The following C16orf46 variants were observed in gnomAD, a reference collection of about 807,000 sequenced individuals.
C16orf46 encodes the protein uncharacterized protein C16orf46.
In C16orf46, 7 loss-of-function variants were observed where a neutral mutation model predicts 5.5. That is an observed-to-expected ratio of 1.28 (90% CI 0.73 to 2.40). The LOEUF is 2.40. Among genes scored for constraint, C16orf46 ranks in the 30% most tolerant of loss-of-function variants. C16orf46 has a pLI of 0.00. For synonymous variants in C16orf46, 200 were observed against 184.1 expected, an observed-to-expected ratio of 1.09 and a Z score of -0.70; for missense variants, 614 against 476.0, an observed-to-expected ratio of 1.29 and a Z score of -2.70.
chr16:81,054,027 A>T, exon 4 of C16orf46: 1 of 1,584,240 alleles, frequency 6.3e-7, no homozygotes, highest in South Asian at 1.1e-5. Context: ...ATTACATCTC[A>T]ACCGTGTTGC....
downstream of C16orf46, among the ~76,000 whole-genome samples, chr16:81,058,641 T>C (rs939634743): frequency 4.6e-5 from 7 of 152,228 alleles, no homozygotes; most frequent in Admixed American, 2.6e-4. Flanking sequence ...TTCCATACAA[T>C]TTTAAACAGT....
intron 1 of C16orf46, among the ~76,000 whole-genome samples, chr16:81,068,168 A>G (rs1051129435): frequency 6.6e-6 from 1 of 152,236 alleles, no homozygotes; most frequent in African/African-American, 2.4e-5. Context: ...CCTTTGTTAT[A>G]CGTCCGGCAA....
At chr16:81,057,260 G>A (rs117105192), downstream of C16orf46, among the ~76,000 whole-genome samples, 1,184 of 152,106 alleles carry the variant, frequency 7.8e-3, 25 homozygotes, top group Non-Finnish European at 6.1e-3. Flanking sequence ...TGTTTAGAAC[G>A]TATTGGGGCA....
intron 1 of C16orf46, among the ~76,000 whole-genome samples, chr16:81,069,051 T>C (rs1242934802): frequency 6.6e-6 from 1 of 152,164 alleles, no homozygotes; most frequent in Non-Finnish European, 1.5e-5. Context: ...TACTTTATTT[T>C]AATGAAAATG....
At chr16:81,076,283 C>T (rs143014573) in intron 1 of C16orf46, 1 of 152,066 alleles carries the variant, frequency 6.6e-6, no homozygotes, top group African/African-American at 2.4e-5. Flanking sequence ...CATTTAGAAA[C>T]ACACTGGAAG....
intron 3 of C16orf46, among the ~76,000 whole-genome samples, chr16:81,054,713 A>G (rs1478749537): frequency 6.6e-6 from 1 of 151,974 alleles, no homozygotes; most frequent in Admixed American, 6.6e-5. Context: ...CAGTGGCGTG[A>G]TCTCGGCTCA....
chr16:81,053,541 AAAT>A (rs1339338680), exon 4 of C16orf46: 1 of 152,282 alleles, frequency 6.6e-6, no homozygotes, highest in Non-Finnish European at 1.5e-5. Flanking sequence ...ATTAATAACA[AAAT>A]AAAAACTTTG....
intron 2 of C16orf46, among the ~76,000 whole-genome samples, chr16:81,064,317 T>C (rs929219672): frequency 3.3e-5 from 5 of 150,658 alleles, no homozygotes; most frequent in African/African-American, 9.8e-5. Flanking sequence ...TGAGCTGAGA[T>C]TGGCCACTGC....
At chr16:81,057,444 G>A (rs964005688), downstream of C16orf46, among the ~76,000 whole-genome samples, 2 of 151,310 alleles carry the variant, frequency 1.3e-5, no homozygotes, top group African/African-American at 2.4e-5. Context: ...ACCTACTCGT[G>A]AGTCTGAGGC....
In C16orf46 at chr16:81,061,532, G is replaced by C; in HGVS notation, c.817C>G (p.Pro273Ala). Reference sequence around the variant, plus strand: ...GAGGATGGCGTGTCGTTGACCATAGGGTGTTTGGCCAGCTCACTGGCTCTT... The same window carrying C: ...GAGGATGGCGTGTCGTTGACCATAGCGTGTTTGGCCAGCTCACTGGCTCTT... ...EKRASELAKH[P>A]MVNDTPSSPS... Residue 273 changes from proline (P) to alanine (A), a missense_variant, in exon 4 of 4, where the codon CCT becomes GCT. Coordinates refer to ENST00000299578, the MANE Select transcript of C16orf46 (RefSeq NM_152337.3). The C allele has an allele frequency of 6.2e-7, 1 of 1,614,160 alleles. No homozygotes were observed. Among genetic ancestry groups the C allele is most frequent in the Non-Finnish European group, 8.5e-7 (1 of 1,180,026 alleles).
chr16:81,058,295 G>C (rs1435933502), downstream of C16orf46, among the ~76,000 whole-genome samples: 1 of 152,212 alleles, frequency 6.6e-6, no homozygotes, highest in African/African-American at 2.4e-5. Context: ...ACTTATTGCA[G>C]TGAACACTGG....
Position 81,061,528 on chromosome 16 carries a change from A to G in C16orf46, c.821T>C (p.Met274Thr). ...KRASELAKHPMVNDTPSSPSP... is the reference protein window; with the variant it reads ...KRASELAKHPTVNDTPSSPSP... ...AGGGGAGGATGGCGTGTCGTTGACC[A>G]TAGGGTGTTTGGCCAGCTCACTGGC... is the stretch of plus-strand genomic sequence containing the variant. Residue 274 changes from methionine to threonine, a missense_variant, in exon 4 of 4, where the codon ATG becomes ACG. Met to Thr is a moderately conservative substitution (Grantham distance 81, BLOSUM62 -1). Transcript: ENST00000299578. The G allele has an allele frequency of 6.2e-7, 1 of 1,614,168 alleles. No homozygotes were observed. The highest frequency in any genetic ancestry group is 8.5e-7 in the Non-Finnish European group (1 of 1,180,022).
downstream of C16orf46, among the ~76,000 whole-genome samples, chr16:81,056,938 T>C (rs1414978287): frequency 1.3e-5 from 2 of 152,094 alleles, no homozygotes; most frequent in African/African-American, 2.4e-5. Flanking sequence ...GGCTCCAGAT[T>C]ACTAATTCCC....
chr16:81,057,538 CA>C (rs11289785), downstream of C16orf46, among the ~76,000 whole-genome samples: 82,860 of 112,166 alleles, frequency 0.74, 31,110 homozygotes, highest in South Asian at 0.88. Context: ...GACTCTGTCT[CA>C]AAAAAAAAAA....
Position 81,061,777 on chromosome 16 carries a change from C to T in C16orf46, c.572G>A (p.Gly191Glu). 1 of 1,613,922 alleles carries T rather than the reference C, an allele frequency of 6.2e-7. No individual in the cohort carries two copies. Among genetic ancestry groups the T allele is most frequent in the South Asian group, 1.1e-5 (1 of 91,078 alleles). The change falls in exon 4 of 4, where the codon GGA becomes GAA. Residue 191 changes from glycine to glutamate, a missense_variant. Gly to Glu is a moderately conservative substitution (Grantham distance 98). Transcript: ENST00000299578. ...GATGGACAGCCCTCTGTGGGCCCCT[C>T]CACTGGGATTCCCAGAGGCCTTGCC... The part of the protein sequence containing the change: ...NRGKASGNPS[G>E]GAHRGLSIPG...
downstream of C16orf46, among the ~76,000 whole-genome samples, chr16:81,057,287 G>A (rs149534120): frequency 3.3e-5 from 5 of 152,232 alleles, no homozygotes; most frequent in African/African-American, 9.6e-5. Flanking sequence ...GGTGGCTCAC[G>A]CTTGTAATCC....
intron 2 of C16orf46, 147 bp from the exon 3 acceptor site, chr16:81,064,140 T>C (rs929146362): frequency 2.1e-5 from 11 of 525,662 alleles, no homozygotes; most frequent in East Asian, 1.6e-4. Flanking sequence ...AGGAATTACT[T>C]TGAGAGGCCA....
intron 2 of C16orf46, among the ~76,000 whole-genome samples, chr16:81,065,135 T>A (rs1427835200): frequency 6.6e-6 from 1 of 152,152 alleles, no homozygotes; most frequent in Admixed American, 6.6e-5. Context: ...CTGTGTCCCT[T>A]GAGCGATGAC....
At chr16:81,072,544 C>T (rs190462191) in intron 1 of C16orf46, among the ~76,000 whole-genome samples, 4 of 152,044 alleles carry the variant, frequency 2.6e-5, no homozygotes, top group Admixed American at 2.6e-4. Flanking sequence ...GCCATCATGC[C>T]AGGCTAATTT....
Sources: gnomAD v4.1 joint callset for allele counts (sites outside exome capture counted in the v4.1 genomes callset) on GRCh38, gnomAD v4.1.1 for gene constraint, MANE v1.5 for transcripts, NCBI Gene and HGNC (gene_info 2026-07-23, HGNC 2026-07-21) for gene names.